PPCS: variants seen among roughly 807,000 people sequenced by gnomAD.
PPCS encodes phosphopantothenate--cysteine ligase.
PPCS carries 17 observed loss-of-function variants against 24.6 expected under a neutral mutation model. The ratio of observed to expected loss-of-function variants is 0.69; its 90% CI spans 0.47 to 1.04. The LOEUF (loss-of-function observed/expected upper bound fraction) is 1.04, where lower values mean the gene tolerates loss of function less well. Ranked by LOEUF, PPCS falls within the 50% of genes least tolerant of loss-of-function variation. The pLI is 0.00. For missense variants in PPCS, 360 were observed against 402.8 expected (o/e 0.89, Z 0.91); for synonymous variants, 190 against 168.3 (o/e 1.13, Z -1.00).
At chr1:42,461,657 C>T (rs916909951), downstream of PPCS, among the ~76,000 whole-genome samples, 2 of 151,966 alleles carry the variant, frequency 1.3e-5, no homozygotes, top group East Asian at 1.9e-4. Flanking sequence ...CACCATTCTC[C>T]TTCCTCAGCC....
In PPCS at chr1:42,456,818, C is replaced by T. The variant is rs372027710; in HGVS notation, c.253C>T (p.Arg85Cys). 1 of 1,613,432 alleles carries T rather than the reference C, an allele frequency of 6.2e-7. No individual in the cohort carries two copies. The highest frequency in any genetic ancestry group is 8.5e-7 in the Non-Finnish European group (1 of 1,180,036). The change falls in exon 1 of 3, where the codon CGC (arginine) becomes TGC (cysteine). Residue 85 changes from arginine to cysteine, a missense_variant. Arg to Cys is a radical substitution (Grantham distance 180). Around this residue, in one of 2 missense-constraint regions of PPCS, gnomAD observed 244 missense variants for 234.7 expected, o/e 1.04. Coordinates refer to ENST00000372561, the MANE Select transcript of PPCS (RefSeq NM_024664.4). ...AAGYGVLFLY[R>C]ARSAFPYAHR... ...CGGCTACGGGGTCCTGTTCTTGTAT[C>T]GCGCTCGCTCTGCCTTCCCCTATGC...
intron 2 of PPCS, chr1:42,459,337 A>G (rs1340219817): frequency 7.6e-6 from 3 of 393,520 alleles, no homozygotes; most frequent in African/African-American, 6.1e-5. Context: ...TAATTTTTGT[A>G]TTTTTTTGTA....
downstream of PPCS, among the ~76,000 whole-genome samples, chr1:42,464,718 C>T (rs1643513565): frequency 6.6e-6 from 1 of 152,150 alleles, no homozygotes; most frequent in South Asian, 2.1e-4. Context: ...ATACGCATTC[C>T]TTGTTGAATC....
rs1326696266 is a variant in PPCS at position 42,460,126 on chromosome 1, G to C, written c.*200G>C. The C allele has an allele frequency of 7.5e-7, 1 of 1,337,620 alleles. No individual in the cohort carries two copies. The allele number at this position is 1,337,620 out of a possible 1,614,324, so 82.9% of individuals were successfully genotyped here. Reference sequence around the variant, plus strand: ...ATTTTGATTTTGAAATTGAACACTAGAACTGTTAATCACCTTTAAAAAGAA... The same window carrying C: ...ATTTTGATTTTGAAATTGAACACTACAACTGTTAATCACCTTTAAAAAGAA... On this transcript the variant is annotated 3_prime_UTR_variant, in exon 3 of 3. Transcript: ENST00000372561.
At chr1:42,473,230 G>A (rs1226590582) in exon 3 of PPCS, 2 of 1,231,392 alleles carry the variant, frequency 1.6e-6, no homozygotes, top group African/African-American at 3.1e-5. Context: ...AGCCAGCACA[G>A]TGAAGACAGG....
Position 42,456,717 on chromosome 1 carries a change from C to T in PPCS, c.152C>T (p.Ala51Val), listed in dbSNP as rs1312597599. Residue 51 changes from alanine to valine, a missense_variant, in exon 1 of 3, where the codon GCG becomes GTG. Physicochemically the swap from Ala to Val is moderately conservative, Grantham distance 64. Around this residue, in one of 2 missense-constraint regions of PPCS, gnomAD observed 244 missense variants for 234.7 expected, o/e 1.04. Coordinates refer to ENST00000372561, the MANE Select transcript of PPCS (RefSeq NM_024664.4). ...GGCGGCACCAAGGTCCCACTGGAAG[C>T]GCGGCCGGTGCGCTTCCTGGACAAC... ...TSGGTKVPLEARPVRFLDNFS... is the reference protein window; with the variant it reads ...TSGGTKVPLEVRPVRFLDNFS... The T allele has an allele frequency of 6.2e-7, 1 of 1,608,892 alleles. No individual in the cohort carries two copies. Among genetic ancestry groups the T allele is most frequent in the African/African-American group, 1.3e-5 (1 of 75,040 alleles).
intron 2 of PPCS, among the ~76,000 whole-genome samples, chr1:42,466,573 A>T (rs1488024123): frequency 3.0e-4 from 44 of 148,618 alleles, no homozygotes; most frequent in African/African-American, 1.1e-3. Flanking sequence ...TTTTTTTGAG[A>T]TGGAGCCTTG....
chr1:42,457,966 A>AC (rs1350977488), intron 2 of PPCS, among the ~76,000 whole-genome samples: 12 of 151,744 alleles, frequency 7.9e-5, no homozygotes, highest in African/African-American at 2.4e-4. Context: ...AAAAAAAAAA[A>AC]AAAACACCAA....
chr1:42,460,372 A>T lies in PPCS; in HGVS notation c.*446A>T. 2.0e-6 allele frequency: 2 copies of T among 987,404 alleles called. No homozygotes were observed. Among genetic ancestry groups the T allele is most frequent in the Non-Finnish European group, 2.4e-6 (2 of 830,898 alleles). 61.2% of individuals were successfully genotyped at this position (987,404 alleles called of 1,614,324 possible). ...AGGAAATGGATGTATAAAAAAATCAAGTGCAATAAAGTGTGTGTCCAAAAG... is the reference window on the plus strand; with the variant it reads ...AGGAAATGGATGTATAAAAAAATCATGTGCAATAAAGTGTGTGTCCAAAAG... On this transcript the variant is annotated 3_prime_UTR_variant, in exon 3 of 3. Transcript: ENST00000372561.
Position 42,459,962 on chromosome 1 carries a change from G to T in PPCS, c.*36G>T. ...CCTTATAGGATCAAAAATTGTTCAG[G>T]GCTCTTAGAGATGGTGAAAACTACA... On this transcript the variant is annotated 3_prime_UTR_variant, in exon 3 of 3. Transcript: ENST00000372561. The T allele has an allele frequency of 5.2e-6, 8 of 1,542,656 alleles. No individual in the cohort carries two copies. The highest frequency in any genetic ancestry group is 6.1e-6 in the Non-Finnish European group (7 of 1,151,196).
At chr1:42,465,864 G>T (rs1030946489), downstream of PPCS, among the ~76,000 whole-genome samples, 1 of 152,106 alleles carries the variant, frequency 6.6e-6, no homozygotes, top group Non-Finnish European at 1.5e-5. Context: ...GTAGTGCCAG[G>T]GTTGAGAAAC....
chr1:42,459,298 G>A (rs1056298215), intron 2 of PPCS: 1 of 296,818 alleles, frequency 3.4e-6, no homozygotes, highest in Admixed American at 4.7e-5. Context: ...GAGTAGCTGG[G>A]ACTACAGGTG....
downstream of PPCS, among the ~76,000 whole-genome samples, chr1:42,465,435 G>A (rs1403481600): frequency 6.6e-6 from 1 of 152,140 alleles, no homozygotes; most frequent in African/African-American, 2.4e-5. Context: ...CGCGATCTTG[G>A]CCCACTGCAA....
chr1:42,459,362 C>T, intron 2 of PPCS: 2 of 483,036 alleles, frequency 4.1e-6, no homozygotes, highest in Non-Finnish European at 7.4e-6. Flanking sequence ...CATGGTTTTG[C>T]CATGTTGCCC....
downstream of PPCS, chr1:42,463,996 A>G (rs1166383251): frequency 4.6e-5 from 7 of 152,108 alleles, no homozygotes; most frequent in African/African-American, 1.7e-4. Context: ...AGCCATTTTA[A>G]CTTTTCCCTG....
rs1442261108 is a variant in PPCS at position 42,457,091 on chromosome 1, A to C, written c.508+18A>C. On this transcript the variant is annotated intron_variant, in intron 1 of 2. Transcript: ENST00000372561. ...TCCGCTAGGTGCGTGCCCTAGGAGT[A>C]CCCCTTTTGCCTGGAAGCACAGCCT... 2 of 1,580,756 alleles carry C rather than the reference A, an allele frequency of 1.3e-6. No homozygotes were observed. The highest frequency in any genetic ancestry group is 1.3e-5 in the African/African-American group (1 of 74,218).
chr1:42,471,074 G>T (rs960160873), intron 2 of PPCS, among the ~76,000 whole-genome samples: 1 of 152,178 alleles, frequency 6.6e-6, no homozygotes, highest in Non-Finnish European at 1.5e-5. Flanking sequence ...TGTTGATAAG[G>T]ACTCAGGTGT....
At position 42,460,464 on chromosome 1, in the gene PPCS, A is replaced by G. The variant is rs1391131029; in HGVS notation, c.*538A>G. Reference sequence around the variant, plus strand: ...TCAAATATAGTAGTAGGAAAGAAGGATACCTCCCTGAAGATAGATTGTAGA... The same window carrying G: ...TCAAATATAGTAGTAGGAAAGAAGGGTACCTCCCTGAAGATAGATTGTAGA... On this transcript the variant is annotated 3_prime_UTR_variant, in exon 3 of 3. Coordinates refer to ENST00000372561, the MANE Select transcript of PPCS (RefSeq NM_024664.4). 1.3e-6 allele frequency: 1 copy of G among 795,272 alleles called. No individual in the cohort carries two copies. Among genetic ancestry groups the G allele is most frequent in the South Asian group, 5.8e-5 (1 of 17,360 alleles). 49.3% of individuals were successfully genotyped at this position (795,272 alleles called of 1,614,324 possible). A position where few individuals can be genotyped will look rare whatever the true frequency, so the allele number is the denominator to read the frequency against.
chr1:42,457,494 T>C (rs1345913295), intron 2 of PPCS, 144 bp downstream of exon 2: 9 of 684,746 alleles, frequency 1.3e-5, no homozygotes, highest in Non-Finnish European at 2.3e-5. Flanking sequence ...CCCTCCCTCA[T>C]GGACCTCACA....
Sources: gnomAD v4.1 joint callset for allele counts (sites outside exome capture counted in the v4.1 genomes callset) on GRCh38, gnomAD v4.1.1 for gene constraint, gnomAD v4.1.1 regional missense constraint, MANE v1.5 for transcripts, NCBI Gene and HGNC (gene_info 2026-07-23, HGNC 2026-07-21) for gene names.